Variants in BRINP2 observed in about 807,000 individuals in gnomAD.
BRINP2 encodes the protein BMP/retinoic acid inducible neural specific 2.
BRINP2 carries 21 observed loss-of-function variants against 69.2 expected under a neutral mutation model. The ratio of observed to expected loss-of-function variants is 0.30; its 90% CI spans 0.22 to 0.44. The LOEUF is 0.44. Among genes scored for constraint, BRINP2 ranks in the 20% least tolerant of loss-of-function variants. BRINP2 has a pLI of 1.00. For missense variants in BRINP2, 877 were observed against 986.0 expected (o/e 0.89, Z 1.48); for synonymous variants, 380 against 394.1 (o/e 0.96, Z 0.42).
chr1:177,202,671 A>G (rs1648950206), intron 1 of BRINP2, among the ~76,000 whole-genome samples: 1 of 152,224 alleles, frequency 6.6e-6, no homozygotes, highest in South Asian at 2.1e-4. Flanking sequence ...AAAAGAATGT[A>G]TATTCTGTTG....
At position 177,251,675 on chromosome 1, in the gene BRINP2, C is replaced by T. The variant is rs190129974; in HGVS notation, c.270-4244C>T. On this transcript the variant is annotated intron_variant, in intron 2 of 7. Transcript: ENST00000361539. ...TGGCTTTATTGCTTTAGGTAAACCACTTACCCTTTCTGTTTTATGAGAAAC... is the reference window on the plus strand; with the variant it reads ...TGGCTTTATTGCTTTAGGTAAACCATTTACCCTTTCTGTTTTATGAGAAAC... Among the ~76,000 whole-genome samples the T allele has an allele frequency of 1.3e-4, 20 of 152,284 alleles. No individual in the cohort carries two copies. The East Asian group carries it at 3.9e-3, about 29-fold the overall frequency.
At chr1:177,243,833 C>T (rs776146191) in intron 2 of BRINP2, among the ~76,000 whole-genome samples, 7 of 152,182 alleles carry the variant, frequency 4.6e-5, no homozygotes, top group Non-Finnish European at 4.4e-5. Flanking sequence ...TTCCTTAGGG[C>T]CTCAGAGTCC....
At chr1:177,195,663 G>T (rs558443358) in intron 1 of BRINP2, among the ~76,000 whole-genome samples, 30 of 151,892 alleles carry the variant, frequency 2.0e-4, no homozygotes, top group Admixed American at 1.6e-3. Flanking sequence ...GGCAAGTGGG[G>T]GGGGAATCAA....
intron 1 of BRINP2, among the ~76,000 whole-genome samples, chr1:177,202,600 C>T (rs1253637633): frequency 6.6e-6 from 1 of 152,110 alleles, no homozygotes; most frequent in African/African-American, 2.4e-5. Context: ...TTTACATTTG[C>T]TGAAGAGTGT....
At chr1:177,256,522 G>A (rs2102346888) in intron 3 of BRINP2, 1 of 985,392 alleles carries the variant, frequency 1.0e-6, no homozygotes, top group Admixed American at 6.1e-5. Context: ...TATAACGATT[G>A]GAAACTGTCC....
At chr1:177,255,215 A>C (rs1650716503) in intron 2 of BRINP2, among the ~76,000 whole-genome samples, 1 of 152,242 alleles carries the variant, frequency 6.6e-6, no homozygotes, top group South Asian at 2.1e-4. Flanking sequence ...CCTGATATTA[A>C]AGAGATTTGC....
At chr1:177,235,896 C>T (rs897728441) in intron 2 of BRINP2, among the ~76,000 whole-genome samples, 1 of 152,176 alleles carries the variant, frequency 6.6e-6, no homozygotes, top group Non-Finnish European at 1.5e-5. Flanking sequence ...GCATAAACCA[C>T]CAGGCCCAAA....
At chr1:177,244,974 T>C (rs6699955) in intron 2 of BRINP2, among the ~76,000 whole-genome samples, 87,587 of 151,858 alleles carry the variant, frequency 0.58, 25,628 homozygotes, top group South Asian at 0.64. Flanking sequence ...TAAGCTCCCC[T>C]CTCACAAGTG....
At chr1:177,171,918 G>A (rs534530250) in intron 1 of BRINP2, among the ~76,000 whole-genome samples, 186 bp downstream of exon 1, 10 of 152,184 alleles carry the variant, frequency 6.6e-5, no homozygotes, top group Non-Finnish European at 1.3e-4. Context: ...GGACTTTGGG[G>A]TTGAGCTAGA....
chr1:177,201,447 C>A (rs1411469691), intron 1 of BRINP2, among the ~76,000 whole-genome samples: 6 of 152,178 alleles, frequency 3.9e-5, no homozygotes, highest in Admixed American at 3.9e-4. Context: ...TGAGTCCTTG[C>A]CTGTCACTGG....
chr1:177,257,867 G>A (rs767439364), intron 4 of BRINP2, among the ~76,000 whole-genome samples: 11 of 152,176 alleles, frequency 7.2e-5, no homozygotes, highest in Non-Finnish European at 1.6e-4. Context: ...CAGGCAGACA[G>A]AACAAAGTAC....
At chr1:177,277,348 TG>T (rs754023898) in intron 6 of BRINP2, among the ~76,000 whole-genome samples, 134 of 151,992 alleles carry the variant, frequency 8.8e-4, no homozygotes, top group Non-Finnish European at 1.0e-3. Context: ...TGGTTACATC[TG>T]GATAGAGAGA....
intron 1 of BRINP2, among the ~76,000 whole-genome samples, chr1:177,200,603 G>A (rs150889830): frequency 6.6e-5 from 10 of 152,056 alleles, no homozygotes; most frequent in East Asian, 5.8e-4. Context: ...TCCAAATGCC[G>A]TGTTTGGTTT....
chr1:177,221,200 A>G (rs1401103981), intron 1 of BRINP2, among the ~76,000 whole-genome samples: 1 of 152,226 alleles, frequency 6.6e-6, no homozygotes, highest in African/African-American at 2.4e-5. Context: ...TTCTCTGTAC[A>G]ATGGGCATAA....
At chr1:177,231,036 C>G (rs1333166635) in intron 2 of BRINP2, among the ~76,000 whole-genome samples, 1 of 152,136 alleles carries the variant, frequency 6.6e-6, no homozygotes, top group Admixed American at 6.5e-5. Context: ...CAAAAGGAAA[C>G]AGAAACACAA....
rs1650779599 is a variant in BRINP2 at position 177,256,879 on chromosome 1, G to A, written c.461-297G>A. Reference sequence around the variant, plus strand: ...TAAACAACTTGAGAGAGAGAATTGTGTCTCCCCTATGAAGATGGATTGCTT... The same window carrying A: ...TAAACAACTTGAGAGAGAGAATTGTATCTCCCCTATGAAGATGGATTGCTT... On this transcript the variant is annotated intron_variant, in intron 3 of 7. Transcript: ENST00000361539. 27 of 1,217,238 alleles carry A rather than the reference G, an allele frequency of 2.2e-5. 1 individual carries two copies. The South Asian group carries it at 4.4e-4, about 20-fold the overall frequency. The allele number at this position is 1,217,238 out of a possible 1,614,324, so 75.4% of individuals were successfully genotyped here. A position where few individuals can be genotyped will look rare whatever the true frequency, so the allele number is the denominator to read the frequency against.
chr1:177,212,081 ATAGATAG>A (rs1307510420), intron 1 of BRINP2, among the ~76,000 whole-genome samples: 11 of 149,304 alleles, frequency 7.4e-5, no homozygotes, highest in African/African-American at 2.6e-4. Context: ...AGATAGATAG[ATAGATAG>A]ATAGATAGAT....
At position 177,229,938 on chromosome 1, in the gene BRINP2, C is replaced by T. The variant is rs775532892; in HGVS notation, c.62C>T (p.Ala21Val). 6.2e-7 allele frequency: 1 copy of T among 1,613,116 alleles called. No homozygotes were observed. The highest frequency in any genetic ancestry group is 8.5e-7 in the Non-Finnish European group (1 of 1,179,572). ...CGGCCGGCGGTGGCCCCATGGACAGCCCTGCTGGCACTGGGCCTGCCTGGC... is the reference window on the plus strand; with the variant it reads ...CGGCCGGCGGTGGCCCCATGGACAGTCCTGCTGGCACTGGGCCTGCCTGGC... ...GLRPAVAPWT[A>V]LLALGLPGWV... The change falls in exon 2 of 8, where the codon GCC (alanine) becomes GTC (valine). Residue 21 changes from alanine to valine, a missense_variant. Physicochemically the swap from Ala to Val is moderately conservative, Grantham distance 64 (BLOSUM62 0). Transcript: ENST00000361539.
chr1:177,272,408 T>G (rs1338154849), intron 4 of BRINP2, among the ~76,000 whole-genome samples: 1 of 152,250 alleles, frequency 6.6e-6, no homozygotes, highest in Non-Finnish European at 1.5e-5. Flanking sequence ...ACATGCATTC[T>G]CTTGTTTATT....
Sources: allele counts gnomAD v4.1 joint callset (sites outside exome capture counted in the v4.1 genomes callset), GRCh38; gene constraint gnomAD v4.1.1; transcripts MANE v1.5; gene names NCBI Gene and HGNC (gene_info 2026-07-23, HGNC 2026-07-21).